Variants in GARIN1A observed in about 807,000 individuals in gnomAD.
GARIN1A encodes the protein Golgi-associated RAB2 interactor protein 1A.
the GARIN1A span, among the ~76,000 whole-genome samples, chr7:128,704,383 C>T: frequency 1.3e-5 from 2 of 151,790 alleles, no homozygotes; most frequent in Non-Finnish European, 2.9e-5. Flanking sequence ...CGGCTCACTG[C>T]AACCTCCATC....
the GARIN1A span, among the ~76,000 whole-genome samples, chr7:128,696,924 A>C: frequency 6.6e-6 from 1 of 152,312 alleles, no homozygotes; most frequent in South Asian, 2.1e-4. Context: ...AACTCCCCCA[A>C]CCCACTCACC....
At chr7:128,689,450 G>A in the GARIN1A span, among the ~76,000 whole-genome samples, 5 of 151,834 alleles carry the variant, frequency 3.3e-5, no homozygotes, top group African/African-American at 9.7e-5. Flanking sequence ...CCGTGACCCC[G>A]ACTGGGAGGT....
At chr7:128,676,362 G>A in the GARIN1A span, among the ~76,000 whole-genome samples, 3 of 151,946 alleles carry the variant, frequency 2.0e-5, no homozygotes, top group Non-Finnish European at 4.4e-5. Flanking sequence ...GCTGGGATAG[G>A]GCAGTACCCA....
the GARIN1A span, among the ~76,000 whole-genome samples, chr7:128,706,801 G>A: frequency 6.6e-6 from 1 of 152,112 alleles, no homozygotes; most frequent in Non-Finnish European, 1.5e-5. Flanking sequence ...CCAGAGCCTG[G>A]TGGGCTCACC....
chr7:128,682,820 G>T, the GARIN1A span: 42 of 554,920 alleles, frequency 7.6e-5, no homozygotes, highest in Non-Finnish European at 3.7e-5. Flanking sequence ...CAAGTGATCC[G>T]CCCACCTCGG....
the GARIN1A span, among the ~76,000 whole-genome samples, chr7:128,705,757 C>T: frequency 2.2e-4 from 32 of 148,180 alleles, no homozygotes; most frequent in African/African-American, 7.5e-4. Flanking sequence ...CTCCACCTCC[C>T]GGGCTCAGGT....
chr7:128,677,223 C>A, the GARIN1A span, among the ~76,000 whole-genome samples: 1 of 151,916 alleles, frequency 6.6e-6, no homozygotes, highest in Non-Finnish European at 1.5e-5. Flanking sequence ...AAACCACGGG[C>A]TCAGCCGGGC....
the GARIN1A span, chr7:128,680,052 T>TC: frequency 3.8e-6 from 6 of 1,569,160 alleles, no homozygotes; most frequent in South Asian, 1.2e-5. Context: ...CCTCCTGTCA[T>TC]CCCCCCAGCC....
the GARIN1A span, among the ~76,000 whole-genome samples, chr7:128,678,407 TA>T: frequency 6.6e-6 from 1 of 152,242 alleles, no homozygotes; most frequent in Admixed American, 6.5e-5. Context: ...GTTAGGTTTT[TA>T]GAAGTAGAAT....
At chr7:128,690,482 C>T in the GARIN1A span, 1 of 152,122 alleles carries the variant, frequency 6.6e-6, no homozygotes, top group Non-Finnish European at 1.5e-5. Context: ...CACATAACAC[C>T]ATGCTCTCCT....
At chr7:128,696,902 A>G in the GARIN1A span, among the ~76,000 whole-genome samples, 155 of 152,300 alleles carry the variant, frequency 1.0e-3, 1 homozygote, top group African/African-American at 3.6e-3. Context: ...CAACTACTTG[A>G]GTCTAGACCC....
chr7:128,677,874 T>C, the GARIN1A span: 2 of 1,393,558 alleles, frequency 1.4e-6, no homozygotes, highest in Non-Finnish European at 1.9e-6. Flanking sequence ...TATATGTAAG[T>C]GTCTGTGTAT....
At chr7:128,681,471 T>TCCTCCCCTCC in the GARIN1A span, among the ~76,000 whole-genome samples, 1 of 101,194 alleles carries the variant, frequency 9.9e-6, no homozygotes, top group Non-Finnish European at 1.9e-5. Context: ...CCCTCCCCTC[T>TCCTCCCCTCC]CCTCTCCTCC....
chr7:128,688,243 C>G, the GARIN1A span, among the ~76,000 whole-genome samples: 1 of 152,160 alleles, frequency 6.6e-6, no homozygotes, highest in Admixed American at 6.5e-5. Flanking sequence ...ATCTCCTGAC[C>G]TCATGATCTG....
At chr7:128,702,844 A>C in the GARIN1A span, among the ~76,000 whole-genome samples, 3 of 152,230 alleles carry the variant, frequency 2.0e-5, no homozygotes, top group Admixed American at 6.5e-5. Context: ...GGTTAAAAGT[A>C]AAAGGACAGA....
the GARIN1A span, chr7:128,693,517 T>A: frequency 5.3e-6 from 1 of 187,722 alleles, no homozygotes; most frequent in Admixed American, 5.1e-5. Context: ...AAATGGGAGG[T>A]CACGGACCAC....
At chr7:128,684,308 T>C in the GARIN1A span, 1 of 152,216 alleles carries the variant, frequency 6.6e-6, no homozygotes, top group African/African-American at 2.4e-5. Context: ...GTTGCTCCAC[T>C]ATATCAAGCA....
the GARIN1A span, among the ~76,000 whole-genome samples, chr7:128,688,714 C>T: frequency 6.7e-6 from 1 of 150,096 alleles, no homozygotes; most frequent in African/African-American, 2.5e-5. Context: ...CTCCTCTCTG[C>T]CCCCATTCTG....
At chr7:128,689,743 GGGGTC>G in the GARIN1A span, among the ~76,000 whole-genome samples, 7 of 118,378 alleles carry the variant, frequency 5.9e-5, 1 homozygote. Flanking sequence ...GAGGGAGGTG[GGGGTC>G]AGCCCCCGCC....
Sources: gnomAD v4.1 joint callset for allele counts (sites outside exome capture counted in the v4.1 genomes callset) on GRCh38, gnomAD v4.1.1 for gene constraint, MANE v1.5 for transcripts, NCBI Gene and HGNC (gene_info 2026-07-23, HGNC 2026-07-21) for gene names.